The following CCDC158 variants were observed in gnomAD, a reference collection of about 807,000 sequenced individuals.
CCDC158 encodes coiled-coil domain containing 158.
Under a neutral mutation model 138.6 loss-of-function variants are expected in CCDC158, and 116 were observed. The observed-to-expected ratio is 0.84, with a 90% CI of 0.72 to 0.98. The LOEUF (loss-of-function observed/expected upper bound fraction) is 0.98, where lower values mean the gene tolerates loss of function less well. CCDC158 is among the 50% of genes least tolerant of loss of function. The pLI, the probability that CCDC158 is intolerant of heterozygous loss-of-function variation, is 0.00. For synonymous variants in CCDC158, 436 were observed against 442.4 expected (o/e 0.99, Z 0.18); for missense variants, 1,265 against 1,306.1 (o/e 0.97, Z 0.48).
Position 76,367,409 on chromosome 4 carries a change from T to C in CCDC158, c.1715A>G (p.Glu572Gly). 1.2e-6 allele frequency: 2 copies of C among 1,614,276 alleles called. No homozygotes were observed. The highest frequency in any genetic ancestry group is 1.7e-6 in the Non-Finnish European group (2 of 1,180,052). ...KVIEILRQQIENMTQLVGQHG... is the reference protein window; with the variant it reads ...KVIEILRQQIGNMTQLVGQHG... ...CTGGCCCACCAGCTGTGTCATGTTC[T>C]CAATCTGCTGTCGCAGAATCTCGAT... Residue 572 changes from glutamate (E) to glycine (G), a missense_variant, in exon 12 of 25, where the codon GAG (glutamate) becomes GGG (glycine). Coordinates refer to ENST00000682701, the MANE Select transcript of CCDC158 (RefSeq NM_001394954.1).
chr4:76,343,617 A>G (rs570844785), intron 18 of CCDC158, among the ~76,000 whole-genome samples: 148 of 152,328 alleles, frequency 9.7e-4, no homozygotes, highest in Admixed American at 1.4e-3. Context: ...CCTGGCCAAC[A>G]TGGCAAAACC....
intron 2 of CCDC158, among the ~76,000 whole-genome samples, chr4:76,408,110 C>A (rs528470165): frequency 1.3e-5 from 2 of 150,724 alleles, no homozygotes; most frequent in Non-Finnish European, 3.0e-5. Context: ...GCTCCTTGTG[C>A]AGCAGGGCTA....
At chr4:76,379,503 T>G in intron 8 of CCDC158, 99 bp from the exon 9 acceptor site, 1 of 557,304 alleles carries the variant, frequency 1.8e-6, no homozygotes, top group Non-Finnish European at 3.0e-6. Context: ...CTAGTTATTT[T>G]ATATGGCATT....
intron 19 of CCDC158, 94 bp from the exon 20 acceptor site, chr4:76,332,585 T>C (rs1721102407): frequency 1.0e-6 from 1 of 973,076 alleles, no homozygotes; most frequent in South Asian, 1.8e-5. Flanking sequence ...ATATTCAATT[T>C]TTCTTTTAGT....
chr4:76,345,904 T>C (rs190427781), intron 18 of CCDC158, among the ~76,000 whole-genome samples: 1 of 152,060 alleles, frequency 6.6e-6, no homozygotes, highest in African/African-American at 2.4e-5. Context: ...AAATTTCATA[T>C]GGAACCAAAA....
intron 4 of CCDC158, among the ~76,000 whole-genome samples, chr4:76,385,881 A>G (rs939992824): frequency 6.6e-6 from 1 of 152,222 alleles, no homozygotes; most frequent in African/African-American, 2.4e-5. Context: ...AGTAAGTAAA[A>G]AATAAAAAAT....
intron 9 of CCDC158, among the ~76,000 whole-genome samples, chr4:76,378,773 C>T (rs1221484275): frequency 6.9e-6 from 1 of 144,408 alleles, no homozygotes; most frequent in Non-Finnish European, 1.5e-5. Context: ...AAGAAAAAAA[C>T]AGAATATCAA....
Position 76,353,203 on chromosome 4 carries a change from C to A in CCDC158, c.2365G>T (p.Ala789Ser). 6.2e-7 allele frequency: 1 copy of A among 1,613,778 alleles called. No homozygotes were observed. The highest frequency in any genetic ancestry group is 8.5e-7 in the Non-Finnish European group (1 of 1,179,838). The change falls in exon 16 of 25, where the codon GCT becomes TCT. Residue 789 changes from alanine (A) to serine (S), a missense_variant. Ala to Ser is a moderately conservative substitution (Grantham distance 99). Transcript: ENST00000682701. ...STVATEKNKM[A>S]GELEVLRSQE... ...GATCGCAGAACTTCCAACTCCCCAGCCATCTTGTTTTTTTCTGTGGCAACA... is the reference window on the plus strand; with the variant it reads ...GATCGCAGAACTTCCAACTCCCCAGACATCTTGTTTTTTTCTGTGGCAACA...
intron 18 of CCDC158, among the ~76,000 whole-genome samples, chr4:76,343,378 C>G (rs536620975): frequency 3.9e-5 from 6 of 152,228 alleles, no homozygotes; most frequent in African/African-American, 1.4e-4. Context: ...GGGCCTCAGT[C>G]TTAAATATGA....
intron 24 of CCDC158, 98 bp from the exon 25 acceptor site, chr4:76,313,344 A>T: frequency 3.2e-6 from 2 of 631,206 alleles, no homozygotes; most frequent in Non-Finnish European, 5.2e-6. Flanking sequence ...TATAGAATAG[A>T]CATGTTCTGA....
At chr4:76,348,908 G>C (rs1391512126) in intron 18 of CCDC158, among the ~76,000 whole-genome samples, 1 of 152,110 alleles carries the variant, frequency 6.6e-6, no homozygotes, top group South Asian at 2.1e-4. Flanking sequence ...GAGTAGATAA[G>C]GGATGAAAAT....
intron 9 of CCDC158, among the ~76,000 whole-genome samples, chr4:76,374,119 G>A (rs1054259907): frequency 6.6e-6 from 1 of 152,102 alleles, no homozygotes; most frequent in Non-Finnish European, 1.5e-5. Context: ...TCGTGCCACT[G>A]CACTCCAGCC....
At position 76,368,052 on chromosome 4, in the gene CCDC158, A is replaced by T. The variant is rs1464702517; in HGVS notation, c.1348-276T>A. Among the ~76,000 whole-genome samples, 4 of 152,062 alleles carry T rather than the reference A, an allele frequency of 2.6e-5. No individual in the cohort carries two copies. The East Asian group carries it at 7.7e-4, about 29-fold the overall frequency. On this transcript the variant is annotated intron_variant, in intron 11 of 24. Transcript: ENST00000682701. ...AGCCATGTCTAGTTAAATTAACTCA[A>T]TCATTTTGCTGTCAGAACTCTAGCT...
chr4:76,368,486 C>G (rs1265432821), intron 11 of CCDC158, among the ~76,000 whole-genome samples: 1 of 152,210 alleles, frequency 6.6e-6, no homozygotes, highest in Non-Finnish European at 1.5e-5. Flanking sequence ...AAGCCAAGAC[C>G]AGTCCCTTGG....
chr4:76,336,487 A>C (rs1239727551), intron 18 of CCDC158, among the ~76,000 whole-genome samples: 1 of 152,200 alleles, frequency 6.6e-6, no homozygotes, highest in African/African-American at 2.4e-5. Context: ...CCATATCAAA[A>C]GTGATGAAGA....
chr4:76,377,601 T>C (rs1038664080), intron 9 of CCDC158, among the ~76,000 whole-genome samples: 1 of 152,188 alleles, frequency 6.6e-6, no homozygotes, highest in Non-Finnish European at 1.5e-5. Context: ...GGGGTGGACA[T>C]TCCTGCTATA....
At chr4:76,403,841 C>CT (rs934892679) in intron 2 of CCDC158, among the ~76,000 whole-genome samples, 2 of 152,166 alleles carry the variant, frequency 1.3e-5, no homozygotes, top group Non-Finnish European at 2.9e-5. Context: ...ACAGGGAAAT[C>CT]TTTTTCCAAA....
intron 24 of CCDC158, among the ~76,000 whole-genome samples, chr4:76,317,983 C>A (rs1719566365): frequency 6.6e-6 from 1 of 152,046 alleles, no homozygotes; most frequent in East Asian, 1.9e-4. Flanking sequence ...CACAATTTAT[C>A]ATACCCTCTA....
chr4:76,369,647 T>C lies in CCDC158; in HGVS notation c.1150-24A>G, dbSNP rs550716489. Reference sequence around the variant, plus strand: ...GCCTAAAAAAAGAGAGGAATGCTTTTTTCCTCCCTGCTATTAAATAATTAA... The same window carrying C: ...GCCTAAAAAAAGAGAGGAATGCTTTCTTCCTCCCTGCTATTAAATAATTAA... On this transcript the variant is annotated intron_variant, in intron 10 of 24. Transcript: ENST00000682701. The C allele has an allele frequency of 2.5e-5, 40 of 1,583,716 alleles. No individual in the cohort carries two copies. In the Admixed American group the frequency reaches 3.0e-4, roughly 12 times the overall value.
Sources: allele counts gnomAD v4.1 joint callset (sites outside exome capture counted in the v4.1 genomes callset), GRCh38; gene constraint gnomAD v4.1.1; transcripts MANE v1.5; gene names NCBI Gene and HGNC (gene_info 2026-07-23, HGNC 2026-07-21).